The following MTA2 variants were observed in gnomAD, a reference collection of about 807,000 sequenced individuals.
The protein encoded by MTA2 is metastasis associated 1 family member 2.
MTA2 carries 22 observed loss-of-function variants against 87.1 expected under a neutral mutation model. The observed-to-expected ratio is 0.25, with a 90% confidence interval of 0.18 to 0.36. MTA2 has a LOEUF of 0.36. Among genes scored for constraint, MTA2 ranks in the 10% least tolerant of loss-of-function variants. The probability of loss-of-function intolerance (pLI) is 1.00; values close to 1 mark genes in which losing one functional copy is unlikely to be tolerated. For missense variants in MTA2, 542 were observed against 853.2 expected (o/e 0.64, Z 4.54); for synonymous variants, 314 against 310.1 (o/e 1.01, Z -0.13).
At chr11:62,597,983 T>G (rs200558127) in intron 6 of MTA2, 41 bp downstream of exon 6, 1 of 1,554,442 alleles carries the variant, frequency 6.4e-7, no homozygotes, top group African/African-American at 1.4e-5. Context: ...CCCTTGGAAT[T>G]AGACAACCTG....
At chr11:62,598,894 C>T (rs1264199039) in intron 3 of MTA2, among the ~76,000 whole-genome samples, 2 of 152,152 alleles carry the variant, frequency 1.3e-5, no homozygotes, top group Non-Finnish European at 2.9e-5. Flanking sequence ...AGAAATACAT[C>T]GCTACCCAGC....
chr11:62,597,740 G>A, intron 6 of MTA2, 28 bp from the exon 7 acceptor site: 2 of 1,589,572 alleles, frequency 1.3e-6, no homozygotes, highest in South Asian at 1.1e-5. Context: ...GGCATCAACA[G>A]GGAGAGGGCA....
At chr11:62,594,751 G>C in intron 15 of MTA2, 117 bp from the exon 16 acceptor site, 3 of 1,000,424 alleles carry the variant, frequency 3.0e-6, no homozygotes, top group Non-Finnish European at 4.6e-6. Context: ...GTAGCAATGG[G>C]GGAATGTTCT....
chr11:62,593,661 C>A lies in MTA2; in HGVS notation c.*214G>T. 2 of 575,742 alleles carry A rather than the reference C, an allele frequency of 3.5e-6. No individual in the cohort carries two copies. Among genetic ancestry groups the A allele is most frequent in the Non-Finnish European group, 3.0e-6 (1 of 332,344 alleles). The allele number at this position is 575,742 out of a possible 1,614,324, so 35.7% of individuals were successfully genotyped here. ...GCTAGGTTCCCACATGGGCCAAGTTCCTGCAGTCTGTCCTCCATCGGCAAG... is the reference window on the plus strand; with the variant it reads ...GCTAGGTTCCCACATGGGCCAAGTTACTGCAGTCTGTCCTCCATCGGCAAG... On this transcript the variant is annotated 3_prime_UTR_variant, in exon 18 of 18. Transcript: ENST00000278823.
intron 1 of MTA2, chr11:62,601,061 G>A: frequency 2.0e-6 from 1 of 500,680 alleles, no homozygotes; most frequent in South Asian, 2.6e-5. Flanking sequence ...CTGGGAAGAG[G>A]AAACCTCCGG....
rs761321219 is a variant in MTA2, at chr11:62,595,909, G to A, written c.1115-18C>T. 1.9e-5 allele frequency: 30 copies of A among 1,613,974 alleles called. No homozygotes were observed. The highest frequency in any genetic ancestry group is 2.5e-5 in the Non-Finnish European group (30 of 1,180,022). On this transcript the variant is annotated intron_variant, in intron 12 of 17. Transcript: ENST00000278823. The surrounding 1 kb of genome is among the most constrained non-coding windows in gnomAD (Gnocchi z 4.9). The stretch of plus-strand genomic sequence containing the variant: ...CTGTGTGGCTGTAGAGTACGGAGAG[G>A]AGGGGGACAGGGAAGAAGCATACTA...
At chr11:62,597,043 G>C (rs1942108456) in intron 8 of MTA2, among the ~76,000 whole-genome samples, 1 of 152,102 alleles carries the variant, frequency 6.6e-6, no homozygotes, top group Non-Finnish European at 1.5e-5. Context: ...CAAAAAATTA[G>C]CCAGGCGTGG....
At position 62,594,303 on chromosome 11, in the gene MTA2, A is replaced by C. The variant is rs1942066505; in HGVS notation, c.1797T>G (p.Ala599=). 1 of 1,614,206 alleles carries C rather than the reference A, an allele frequency of 6.2e-7. No homozygotes were observed. The highest frequency in any genetic ancestry group is 1.7e-5 in the Admixed American group (1 of 60,030). Residue 599 remains alanine, a synonymous_variant, in exon 17 of 18, where the codon GCT becomes GCG. Coordinates refer to ENST00000278823, the MANE Select transcript of MTA2 (RefSeq NM_004739.4). ...CAAACACCACAGGATTGGGGGCATCAGCTGGGTTTAGTTTCTGACGCTTGG... is the reference window on the plus strand; with the variant it reads ...CAAACACCACAGGATTGGGGGCATCCGCTGGGTTTAGTTTCTGACGCTTGG... ...PAAKRQKLNP[A]DAPNPVVFVA... is the part of the protein sequence containing the mutation.
rs1415946197 is a variant in MTA2 at position 62,593,926 on chromosome 11, A to C, written c.1956T>G (p.Pro652=). 1.2e-6 allele frequency: 2 copies of C among 1,614,038 alleles called. No individual in the cohort carries two copies. The highest frequency in any genetic ancestry group is 1.7e-6 in the Non-Finnish European group (2 of 1,180,026). ...LIAVRPPVPL[P]APSHPASTNE... is the part of the protein sequence containing the mutation. ...TGGTGCTGGCAGGATGTGAGGGTGC[A>C]GGTAGAGGGACAGGGGGCCGCACTG... Residue 652 remains proline (P), a synonymous_variant, in exon 18 of 18, where the codon CCT becomes CCG. Transcript: ENST00000278823.
chr11:62,601,142 C>T lies in MTA2; in HGVS notation c.28+281G>A, dbSNP rs1000692205. 4 of 537,712 alleles carry T rather than the reference C, an allele frequency of 7.4e-6. No individual in the cohort carries two copies. The African/African-American group carries it at 8.1e-5, about 11-fold the overall frequency. 33.3% of individuals were successfully genotyped at this position (537,712 alleles called of 1,614,324 possible). ...TCCCTCCCTACCCTGTCAGCTCCTT[C>T]GGAACCGGTTCCGAAGGCCACTCCG... On this transcript the variant is annotated intron_variant, in intron 1 of 17. Transcript: ENST00000278823.
chr11:62,595,706 A>G lies in MTA2; in HGVS notation c.1254+46T>C. 6.2e-7 allele frequency: 1 copy of G among 1,607,694 alleles called. No homozygotes were observed. The highest frequency in any genetic ancestry group is 8.5e-7 in the Non-Finnish European group (1 of 1,176,258). ...CTGGCCTTCACCTAAGCTCACCATC[A>G]ATATGCTTACTGCTCTCCCCTGCTT... On this transcript the variant is annotated intron_variant, in intron 13 of 17. Coordinates refer to ENST00000278823, the MANE Select transcript of MTA2 (RefSeq NM_004739.4). The surrounding 1 kb of genome is among the most constrained non-coding windows in gnomAD (Gnocchi z 4.9).
intron 15 of MTA2, 43 bp from the exon 16 acceptor site, chr11:62,594,677 A>G: frequency 6.4e-7 from 1 of 1,563,202 alleles, no homozygotes; most frequent in Non-Finnish European, 8.8e-7. Flanking sequence ...CTTCCCACGC[A>G]GTTCCCCTTT....
In MTA2 at chr11:62,593,925, C is replaced by G. The variant is rs1942059369; in HGVS notation, c.1957G>C (p.Ala653Pro). 6.2e-7 allele frequency: 1 copy of G among 1,614,158 alleles called. No individual in the cohort carries two copies. The highest frequency in any genetic ancestry group is 2.2e-5 in the East Asian group (1 of 44,880). Residue 653 changes from alanine to proline, a missense_variant, in exon 18 of 18, where the codon GCA becomes CCA. Transcript: ENST00000278823. ...TTGGTGCTGGCAGGATGTGAGGGTG[C>G]AGGTAGAGGGACAGGGGGCCGCACT... ...IAVRPPVPLPAPSHPASTNEP... is the reference protein window; with the variant it reads ...IAVRPPVPLPPPSHPASTNEP...
rs1565043796 is a variant in MTA2 at position 62,595,564 on chromosome 11, G to A, written c.1255-72C>T. 4.5e-6 allele frequency: 7 copies of A among 1,559,718 alleles called. No individual in the cohort carries two copies. The South Asian group carries it at 8.0e-5, about 18-fold the overall frequency. ...GGCTCCCTTCTTTCTTCCATTCCCTGCAGGGGACAATTTATTCCTGTCTAA... is the reference window on the plus strand; with the variant it reads ...GGCTCCCTTCTTTCTTCCATTCCCTACAGGGGACAATTTATTCCTGTCTAA... On this transcript the variant is annotated intron_variant, in intron 13 of 17. Transcript: ENST00000278823. The surrounding 1 kb of genome is among the most constrained non-coding windows in gnomAD (Gnocchi z 4.9).
chr11:62,600,123 C>T (rs1221825804), intron 3 of MTA2, 43 bp downstream of exon 3: 10 of 1,547,210 alleles, frequency 6.5e-6, no homozygotes, highest in Non-Finnish European at 8.9e-6. Context: ...GCCCAGGCCT[C>T]AGATCATGGG....
chr11:62,600,751 C>T (rs893081998), intron 1 of MTA2, 62 bp from the exon 2 acceptor site: 2 of 1,493,602 alleles, frequency 1.3e-6, no homozygotes, highest in African/African-American at 1.4e-5. Flanking sequence ...CGCAGAGCAC[C>T]AGGGTAGGAG....
chr11:62,598,735 CTGTT>C, intron 3 of MTA2, 96 bp from the exon 4 acceptor site: 1 of 1,144,142 alleles, frequency 8.7e-7, no homozygotes, highest in Non-Finnish European at 1.3e-6. Flanking sequence ...CCTATCTTGG[CTGTT>C]TTTTTCTCAC....
Position 62,593,778 on chromosome 11 carries a change from C to A in MTA2, c.*97G>T. 1 of 1,471,896 alleles carries A rather than the reference C, an allele frequency of 6.8e-7. No homozygotes were observed. Among genetic ancestry groups the A allele is most frequent in the South Asian group, 1.2e-5 (1 of 82,026 alleles). 91.2% of individuals were successfully genotyped at this position (1,471,896 alleles called of 1,614,324 possible). On this transcript the variant is annotated 3_prime_UTR_variant, in exon 18 of 18. Coordinates refer to ENST00000278823, the MANE Select transcript of MTA2 (RefSeq NM_004739.4). ...CACTCACTTGCTCTCTTCCTTAATT[C>A]ACTCCTCACTCCCTTCGACACGAAA...
At position 62,593,794 on chromosome 11, in the gene MTA2, C is replaced by G. The variant is rs79825424; in HGVS notation, c.*81G>C. 1 of 1,549,532 alleles carries G rather than the reference C, an allele frequency of 6.5e-7. No homozygotes were observed. Among genetic ancestry groups the G allele is most frequent in the East Asian group, 2.3e-5 (1 of 43,946 alleles). Reference sequence around the variant, plus strand: ...TCCTTAATTCACTCCTCACTCCCTTCGACACGAAAGGGAAGGGAGGTTTGG... The same window carrying G: ...TCCTTAATTCACTCCTCACTCCCTTGGACACGAAAGGGAAGGGAGGTTTGG... On this transcript the variant is annotated 3_prime_UTR_variant, in exon 18 of 18. Coordinates refer to ENST00000278823, the MANE Select transcript of MTA2 (RefSeq NM_004739.4).
Sources: gnomAD v4.1 joint callset for allele counts (sites outside exome capture counted in the v4.1 genomes callset) on GRCh38, gnomAD v4.1.1 for gene constraint, Gnocchi (gnomAD v3.1) non-coding constraint, MANE v1.5 for transcripts, NCBI Gene and HGNC (gene_info 2026-07-23, HGNC 2026-07-21) for gene names.